Variants in PCDHGB1 observed in about 807,000 individuals in gnomAD.
PCDHGB1 encodes the protein protocadherin gamma subfamily B, 1.
PCDHGB1 carries 34 observed loss-of-function variants against 56.6 expected under a neutral mutation model. The observed-to-expected ratio is 0.60, with a 90% confidence interval of 0.46 to 0.80. The LOEUF (loss-of-function observed/expected upper bound fraction) is 0.80, where lower values mean the gene tolerates loss of function less well. Among genes scored for constraint, PCDHGB1 ranks in the 30% least tolerant of loss-of-function variants. The pLI, the probability that PCDHGB1 is intolerant of heterozygous loss-of-function variation, is 0.00. For missense variants in PCDHGB1, 1,278 were observed against 1,204.6 expected (o/e 1.06, Z -0.90); for synonymous variants, 561 against 505.9 (o/e 1.11, Z -1.46).
At chr5:141,450,815 A>T (rs183350620) in intron 1 of PCDHGB1, among the ~76,000 whole-genome samples, 1,650 of 126,706 alleles carry the variant, frequency 0.013, 15 homozygotes, top group African/African-American at 0.032. Context: ...TATTTATTTA[A>T]TATTATTATT....
At chr5:141,469,948 T>C (rs1258593339) in intron 1 of PCDHGB1, among the ~76,000 whole-genome samples, 2 of 152,110 alleles carry the variant, frequency 1.3e-5, no homozygotes, top group Admixed American at 1.3e-4. Flanking sequence ...CTGGCCAGCA[T>C]GGTGAAACCC....
rs766191511 is a variant in PCDHGB1, at chr5:141,432,498, G to T, written c.2410-62309G>T. ...TCCACTGGCGTGGAGCTGGCTCCCC[G>T]CTCCGCAGAGCCCGGCTACCTGGTG... On this transcript the variant is annotated intron_variant, in intron 1 of 3. Coordinates refer to ENST00000523390, the MANE Select transcript of PCDHGB1 (RefSeq NM_018922.3). The surrounding 1 kb of genome is among the most constrained non-coding windows in gnomAD (Gnocchi z 6.0). The T allele has an allele frequency of 6.2e-7, 1 of 1,614,106 alleles. No homozygotes were observed. The highest frequency in any genetic ancestry group is 8.5e-7 in the Non-Finnish European group (1 of 1,180,052).
intron 1 of PCDHGB1, among the ~76,000 whole-genome samples, chr5:141,482,689 C>T (rs145383957): frequency 7.1e-6 from 1 of 140,984 alleles, no homozygotes; most frequent in East Asian, 1.9e-4. Flanking sequence ...GCTTGTCAGA[C>T]AGTAAAGGGG....
chr5:141,428,013 C>T, intron 1 of PCDHGB1: 4 of 1,603,660 alleles, frequency 2.5e-6, no homozygotes, highest in Non-Finnish European at 3.4e-6. Flanking sequence ...CGATATAGTG[C>T]CACGCGCCGC....
In PCDHGB1 at chr5:141,493,356, C is replaced by G. The variant is rs1303319550; in HGVS notation, c.2410-1451C>G. On this transcript the variant is annotated intron_variant, in intron 1 of 3. Transcript: ENST00000523390. The surrounding 1 kb of genome is among the most constrained non-coding windows in gnomAD (Gnocchi z 4.3). ...ACTCCAGAATGTGTGCTTTTAATTT[C>G]TTGGCACTTGGAACTTTAAAAGCTT... Among the ~76,000 whole-genome samples the G allele has an allele frequency of 6.6e-6, 1 of 152,182 alleles. No individual in the cohort carries two copies. The highest frequency in any genetic ancestry group is 1.5e-5 in the Non-Finnish European group (1 of 68,032).
At chr5:141,380,260 G>A (rs1776331356) in intron 1 of PCDHGB1, among the ~76,000 whole-genome samples, 1 of 152,114 alleles carries the variant, frequency 6.6e-6, no homozygotes, top group South Asian at 2.1e-4. Context: ...AGGGGAAGGA[G>A]TAAAATCTCA....
At chr5:141,394,743 G>A (rs928437652) in intron 1 of PCDHGB1, 4 of 1,613,314 alleles carry the variant, frequency 2.5e-6, no homozygotes, top group Non-Finnish European at 3.4e-6. Flanking sequence ...GAGCCTCGTG[G>A]TGGCCGTCCA....
intron 1 of PCDHGB1, chr5:141,370,436 G>T: frequency 6.2e-7 from 1 of 1,604,136 alleles, no homozygotes; most frequent in Non-Finnish European, 8.5e-7. Context: ...CAGGGCAGAG[G>T]CGAATGCTAT....
chr5:141,366,863 C>T, intron 1 of PCDHGB1: 2 of 1,430,882 alleles, frequency 1.4e-6, no homozygotes, highest in African/African-American at 1.4e-5. Flanking sequence ...ACATTATTTG[C>T]TGTATTGGAG....
chr5:141,402,825 A>G, intron 1 of PCDHGB1: 1 of 1,320,620 alleles, frequency 7.6e-7, no homozygotes, highest in Non-Finnish European at 1.0e-6. Flanking sequence ...ACCTGCTCCC[A>G]GGCTGCAGCA....
chr5:141,466,984 C>A (rs2099133455), intron 1 of PCDHGB1, among the ~76,000 whole-genome samples: 1 of 151,586 alleles, frequency 6.6e-6, no homozygotes, highest in Non-Finnish European at 1.5e-5. Context: ...CATCATTTAC[C>A]TTTTGGCATT....
chr5:141,356,150 T>C (rs1181062763), intron 1 of PCDHGB1: 3 of 1,613,504 alleles, frequency 1.9e-6, no homozygotes, highest in Non-Finnish European at 2.5e-6. Flanking sequence ...TTCTATGACA[T>C]AGATGTAGAA....
At chr5:141,425,363 A>C (rs2096870488) in intron 1 of PCDHGB1, among the ~76,000 whole-genome samples, 1 of 152,212 alleles carries the variant, frequency 6.6e-6, no homozygotes, top group Non-Finnish European at 1.5e-5. Context: ...TGATATTAAG[A>C]GGGTTATGTT....
intron 1 of PCDHGB1, chr5:141,384,552 C>T (rs752995629): frequency 3.7e-6 from 6 of 1,614,148 alleles, no homozygotes; most frequent in Admixed American, 3.3e-5. Flanking sequence ...TGAGCCTGTT[C>T]GTGCTGGACC....
chr5:141,363,918 A>G (rs935421422), intron 1 of PCDHGB1, among the ~76,000 whole-genome samples: 6 of 152,216 alleles, frequency 3.9e-5, no homozygotes, highest in African/African-American at 1.4e-4. Flanking sequence ...AAATTTTTGT[A>G]AGGTATTGAG....
At position 141,432,554 on chromosome 5, in the gene PCDHGB1, G is replaced by A. The variant is rs757821109; in HGVS notation, c.2410-62253G>A. The A allele has an allele frequency of 9.3e-6, 15 of 1,613,832 alleles. No homozygotes were observed. Among genetic ancestry groups the A allele is most frequent in the Non-Finnish European group, 1.3e-5 (15 of 1,180,006 alleles). On this transcript the variant is annotated intron_variant, in intron 1 of 3. Coordinates refer to ENST00000523390, the MANE Select transcript of PCDHGB1 (RefSeq NM_018922.3). The surrounding 1 kb of genome is among the most constrained non-coding windows in gnomAD (Gnocchi z 6.0). ...GGTGGTGGCGGTGGACAGAGACTCCGGCCAGAACGCCTGGCTGTCCTACCG... is the reference window on the plus strand; with the variant it reads ...GGTGGTGGCGGTGGACAGAGACTCCAGCCAGAACGCCTGGCTGTCCTACCG...
intron 1 of PCDHGB1, chr5:141,418,509 G>T: frequency 6.2e-7 from 1 of 1,613,986 alleles, no homozygotes; most frequent in Non-Finnish European, 8.5e-7. Flanking sequence ...GCCTTAGATG[G>T]TGGGGACCCT....
At chr5:141,459,737 A>T (rs2098974670) in intron 1 of PCDHGB1, among the ~76,000 whole-genome samples, 1 of 152,176 alleles carries the variant, frequency 6.6e-6, no homozygotes, top group African/African-American at 2.4e-5. Flanking sequence ...CAATTTTTTA[A>T]ATTTTAGCAA....
At chr5:141,506,351 A>G (rs1029519620) in intron 3 of PCDHGB1, among the ~76,000 whole-genome samples, 2 of 150,784 alleles carry the variant, frequency 1.3e-5, no homozygotes, top group African/African-American at 4.9e-5. Context: ...TGGGAGGCTG[A>G]GGCAGGAGAA....
Sources: gnomAD v4.1 joint callset for allele counts (sites outside exome capture counted in the v4.1 genomes callset) on GRCh38, gnomAD v4.1.1 for gene constraint, Gnocchi (gnomAD v3.1) non-coding constraint, MANE v1.5 for transcripts, NCBI Gene and HGNC (gene_info 2026-07-23, HGNC 2026-07-21) for gene names.